The following ARL15 variants were observed in gnomAD, a reference collection of about 807,000 sequenced individuals.
The protein encoded by ARL15 is ADP-ribosylation factor-like protein 15.
ARL15 carries 19 observed loss-of-function variants against 25.2 expected under a neutral mutation model. The observed-to-expected ratio is 0.75, with a 90% CI of 0.53 to 1.10. ARL15 has a LOEUF of 1.10. Ranked by LOEUF, ARL15 falls within the 50% of genes least tolerant of loss-of-function variation. The pLI is 0.00. For synonymous variants in ARL15, 94 were observed against 86.8 expected (o/e 1.08, Z -0.46); for missense variants, 220 against 246.0 (o/e 0.89, Z 0.71).
At chr5:54,255,244 T>A (rs1277636298) in intron 1 of ARL15, among the ~76,000 whole-genome samples, 1 of 152,086 alleles carries the variant, frequency 6.6e-6, no homozygotes, top group Non-Finnish European at 1.5e-5. Context: ...TTTGTTTTAA[T>A]GGCTGGAAAG....
At chr5:54,140,469 G>GAT (rs1753743460) in intron 3 of ARL15, among the ~76,000 whole-genome samples, 1 of 150,816 alleles carries the variant, frequency 6.6e-6, no homozygotes, top group African/African-American at 2.4e-5. Flanking sequence ...GATAGATAGA[G>GAT]ATAGAGATAG....
chr5:54,160,165 C>A (rs1484028253), intron 2 of ARL15, among the ~76,000 whole-genome samples: 1 of 152,140 alleles, frequency 6.6e-6, no homozygotes, highest in African/African-American at 2.4e-5. Context: ...AACAGACTAA[C>A]GAAATTCTTC....
At chr5:54,116,430 C>T (rs1445923136) in intron 3 of ARL15, among the ~76,000 whole-genome samples, 1 of 152,120 alleles carries the variant, frequency 6.6e-6, no homozygotes, top group Non-Finnish European at 1.5e-5. Context: ...CAGTGTTACT[C>T]GGTGGTAAGT....
intron 4 of ARL15, among the ~76,000 whole-genome samples, chr5:53,938,096 C>A (rs1298119775): frequency 6.6e-6 from 1 of 152,128 alleles, no homozygotes. Flanking sequence ...AAAATCAACA[C>A]CCTCAACTGA....
chr5:54,054,340 G>A (rs1446600692), intron 4 of ARL15, among the ~76,000 whole-genome samples: 1 of 152,168 alleles, frequency 6.6e-6, no homozygotes. Context: ...AGTGGATTAT[G>A]TATAAGAAAA....
At chr5:53,938,288 G>T (rs1746417719) in intron 4 of ARL15, among the ~76,000 whole-genome samples, 1 of 151,406 alleles carries the variant, frequency 6.6e-6, no homozygotes, top group East Asian at 1.9e-4. Context: ...GGCTTATAAT[G>T]CCTGTGACAC....
At chr5:53,968,193 T>C (rs1052963348) in intron 4 of ARL15, among the ~76,000 whole-genome samples, 1 of 152,202 alleles carries the variant, frequency 6.6e-6, no homozygotes, top group African/African-American at 2.4e-5. Flanking sequence ...TGATGTAAAC[T>C]GATACTCTAC....
intron 3 of ARL15, among the ~76,000 whole-genome samples, chr5:54,147,724 A>C (rs972017520): frequency 2.0e-5 from 3 of 152,172 alleles, no homozygotes; most frequent in Non-Finnish European, 4.4e-5. Flanking sequence ...CACTTTTCGA[A>C]TAGCAAGTTG....
chr5:54,084,794 GA>G (rs753703876), intron 4 of ARL15, among the ~76,000 whole-genome samples: 1 of 152,020 alleles, frequency 6.6e-6, no homozygotes, highest in African/African-American at 2.4e-5. Flanking sequence ...ATGTTCTGGC[GA>G]AAAAAACTGC....
chr5:54,298,944 C>G (rs1398136213), intron 1 of ARL15, among the ~76,000 whole-genome samples: 1 of 151,744 alleles, frequency 6.6e-6, no homozygotes, highest in Non-Finnish European at 1.5e-5. Context: ...TGTTCTGTCA[C>G]CCAGGCTGGA....
chr5:54,098,774 T>C (rs756640684), intron 4 of ARL15, among the ~76,000 whole-genome samples: 7 of 152,188 alleles, frequency 4.6e-5, no homozygotes, highest in Non-Finnish European at 1.0e-4. Flanking sequence ...CTTCAGACTT[T>C]GGAAAGTCTA....
chr5:53,918,905 C>T lies in ARL15; in HGVS notation c.463-32192G>A, dbSNP rs140670591. ...ACAACACAAATCTACAATCTAATTA[C>T]ACAATTAAAATTAGTACAAGAAGAT... On this transcript the variant is annotated intron_variant, in intron 4 of 4. Transcript: ENST00000504924. Among the ~76,000 whole-genome samples the T allele has an allele frequency of 2.6e-3, 391 of 152,076 alleles. 2 individuals carry two copies. The highest frequency in any genetic ancestry group is 9.0e-3 in the African/African-American group (373 of 41,502).
At chr5:53,902,225 C>A (rs184569440) in intron 4 of ARL15, among the ~76,000 whole-genome samples, 152 of 152,308 alleles carry the variant, frequency 1.0e-3, no homozygotes, top group African/African-American at 3.4e-3. Context: ...AAATACACGT[C>A]AAACGATTGC....
intron 1 of ARL15, among the ~76,000 whole-genome samples, chr5:54,227,736 A>T (rs1458601737): frequency 6.6e-6 from 1 of 152,224 alleles, no homozygotes; most frequent in African/African-American, 2.4e-5. Context: ...GAAAGAAAAG[A>T]TAACTTTTCC....
chr5:54,264,955 C>A (rs567554201), intron 1 of ARL15, among the ~76,000 whole-genome samples: 2 of 152,232 alleles, frequency 1.3e-5, no homozygotes, highest in East Asian at 3.9e-4. Flanking sequence ...GTAAACTCTA[C>A]AAGGGGAGAG....
chr5:54,005,992 T>C (rs1480402799), intron 4 of ARL15, among the ~76,000 whole-genome samples: 3 of 147,824 alleles, frequency 2.0e-5, no homozygotes, highest in South Asian at 2.1e-4. Context: ...GGAGGTTGCA[T>C]TGAGCTGAGA....
At chr5:54,100,758 T>C (rs1027542318) in intron 4 of ARL15, among the ~76,000 whole-genome samples, 5 of 152,148 alleles carry the variant, frequency 3.3e-5, no homozygotes, top group African/African-American at 1.2e-4. Flanking sequence ...TGTTTCATTT[T>C]GTTGCTAAAG....
intron 4 of ARL15, among the ~76,000 whole-genome samples, chr5:53,931,503 T>A (rs1746193674): frequency 6.6e-6 from 1 of 152,214 alleles, no homozygotes; most frequent in Non-Finnish European, 1.5e-5. Flanking sequence ...TTATCATATT[T>A]AAGCTTTAAG....
intron 4 of ARL15, among the ~76,000 whole-genome samples, chr5:53,913,723 A>G (rs890140585): frequency 2.6e-5 from 4 of 152,154 alleles, no homozygotes; most frequent in Non-Finnish European, 4.4e-5. Context: ...TACTACTATG[A>G]CCTCAACTAA....
Sources: gnomAD v4.1 joint callset for allele counts (sites outside exome capture counted in the v4.1 genomes callset) on GRCh38, gnomAD v4.1.1 for gene constraint, MANE v1.5 for transcripts, NCBI Gene and HGNC (gene_info 2026-07-23, HGNC 2026-07-21) for gene names.